The following CPS1 variants were observed in gnomAD, a reference collection of about 807,000 sequenced individuals.
CPS1 encodes carbamoyl-phosphate synthase 1.
A neutral mutation model predicts 174.6 loss-of-function variants in CPS1; 109 were observed. The observed-to-expected ratio is 0.62, with a 90% confidence interval of 0.53 to 0.73. The LOEUF (loss-of-function observed/expected upper bound fraction) is 0.73, where lower values mean the gene tolerates loss of function less well. CPS1 is among the 30% of genes least tolerant of loss of function. The pLI is 0.00. For missense variants in CPS1, 1,689 were observed against 1,821.9 expected, an observed-to-expected ratio of 0.93 and a Z score of 1.33; for synonymous variants, 637 against 632.0, an observed-to-expected ratio of 1.01 and a Z score of -0.12.
intron 1 of CPS1, among the ~76,000 whole-genome samples, chr2:210,571,726 T>C (rs1455824797): frequency 6.6e-6 from 1 of 151,982 alleles, no homozygotes; most frequent in African/African-American, 2.4e-5. Context: ...ACAGAGAGAA[T>C]TATTATAGAA....
At chr2:210,543,439 C>T (rs1213787540) in intron 1 of CPS1, among the ~76,000 whole-genome samples, 2 of 151,936 alleles carry the variant, frequency 1.3e-5, no homozygotes, top group South Asian at 2.1e-4. Context: ...CAATTTCCAG[C>T]TCAAAGCCTT....
At chr2:210,638,413 A>T (rs1358474092) in intron 22 of CPS1, among the ~76,000 whole-genome samples, 2 of 151,998 alleles carry the variant, frequency 1.3e-5, no homozygotes, top group South Asian at 2.1e-4. Flanking sequence ...TTGGCCTTTA[A>T]TGGAAGGGAT....
At chr2:210,518,542 A>G (rs1038192690) in intron 1 of CPS1, among the ~76,000 whole-genome samples, 1 of 151,928 alleles carries the variant, frequency 6.6e-6, no homozygotes, top group African/African-American at 2.4e-5. Context: ...TTTTTTCTAT[A>G]TGACTGGAAT....
intron 1 of CPS1, among the ~76,000 whole-genome samples, chr2:210,492,002 C>T (rs540051617): frequency 6.6e-6 from 1 of 152,274 alleles, no homozygotes; most frequent in African/African-American, 2.4e-5. Flanking sequence ...AAGGGAGTTG[C>T]TAGATAACCA....
At chr2:210,553,451 T>A (rs940727790), upstream of CPS1, among the ~76,000 whole-genome samples, 19 of 152,006 alleles carry the variant, frequency 1.2e-4, no homozygotes, top group African/African-American at 1.7e-4. Context: ...TTCTATTTTT[T>A]AAAATGTATT....
intron 1 of CPS1, among the ~76,000 whole-genome samples, chr2:210,486,376 GA>G (rs35756238): frequency 8.7e-4 from 133 of 152,160 alleles, no homozygotes; most frequent in African/African-American, 3.2e-3. Context: ...TGTCTTTGAA[GA>G]GCATCTAATG....
intron 1 of CPS1, among the ~76,000 whole-genome samples, chr2:210,492,425 C>G (rs1429502058): frequency 6.6e-6 from 1 of 152,196 alleles, no homozygotes; most frequent in Non-Finnish European, 1.5e-5. Context: ...ACTACGTTTA[C>G]TATCACTGAA....
chr2:210,493,223 G>C (rs1330759448), intron 1 of CPS1, among the ~76,000 whole-genome samples: 1 of 152,124 alleles, frequency 6.6e-6, no homozygotes, highest in Non-Finnish European at 1.5e-5. Context: ...TGGGTTCTCA[G>C]CTCATCTTTT....
intron 25 of CPS1, among the ~76,000 whole-genome samples, chr2:210,643,049 T>C (rs1233404361): frequency 1.3e-5 from 2 of 152,350 alleles, no homozygotes; most frequent in East Asian, 3.9e-4. Flanking sequence ...AGCCTCTTTC[T>C]AGTTTGTGTG....
chr2:210,579,814 GT>G, intron 5 of CPS1, 44 bp downstream of exon 5: 1 of 1,391,662 alleles, frequency 7.2e-7, no homozygotes. Context: ...CTTCGGGTGT[GT>G]GTGTGTGTGT....
chr2:210,539,201 A>G (rs1696337477), intron 1 of CPS1, among the ~76,000 whole-genome samples: 1 of 152,136 alleles, frequency 6.6e-6, no homozygotes, highest in African/African-American at 2.4e-5. Context: ...GAAGGGTGAC[A>G]TGGGGAACAC....
At chr2:210,654,877 A>C (rs1700659496) in intron 29 of CPS1, among the ~76,000 whole-genome samples, 1 of 152,110 alleles carries the variant, frequency 6.6e-6, no homozygotes, top group Non-Finnish European at 1.5e-5. Context: ...CTTGTTAATA[A>C]AAATGGTAAT....
chr2:210,656,562 C>G lies in CPS1; in HGVS notation c.3596C>G (p.Ala1199Gly), dbSNP rs751372173. The G allele has an allele frequency of 1.2e-6, 2 of 1,607,274 alleles. No homozygotes were observed. The highest frequency in any genetic ancestry group is 1.7e-6 in the Non-Finnish European group (2 of 1,179,072). Residue 1199 changes from alanine to glycine, a missense_variant, in exon 30 of 38, where the codon GCA becomes GGA. Physicochemically the swap from Ala to Gly is moderately conservative, Grantham distance 60. Coordinates refer to ENST00000233072, the MANE Select transcript of CPS1 (RefSeq NM_001875.5). ...SHAISEHVED[A>G]GVHSGDATLM... ...GCCATCTCTGAACATGTTGAAGATG[C>G]AGGTGTCCACTCGGGAGATGCCACT...
chr2:210,674,776 A>G, intron 34 of CPS1, 126 bp from the exon 35 acceptor site: 1 of 815,340 alleles, frequency 1.2e-6, no homozygotes. Flanking sequence ...AAAACTTGTC[A>G]TTTTTTAATA....
At position 210,570,833 on chromosome 2, in the gene CPS1, TCA is replaced by T. The variant is rs542488861; in HGVS notation, c.127-2464_127-2463del. ...GAGAGGTTTCACCTAATAAAACACA[TCA>T]GAGTTACCTGGGGAGTTTTCCTAAT... On this transcript the variant is annotated intron_variant, in intron 1 of 37. Transcript: ENST00000233072. Among the ~76,000 whole-genome samples the T allele has an allele frequency of 1.4e-4, 22 of 152,020 alleles. No individual in the cohort carries two copies. The South Asian group carries it at 4.6e-3, about 31-fold the overall frequency.
intron 19 of CPS1, among the ~76,000 whole-genome samples, chr2:210,609,983 A>G (rs1699053735): frequency 6.6e-6 from 1 of 152,012 alleles, no homozygotes; most frequent in Non-Finnish European, 1.5e-5. Context: ...GTAGTAACAA[A>G]TCAACAAATT....
intron 1 of CPS1, among the ~76,000 whole-genome samples, chr2:210,572,623 C>A (rs1488925324): frequency 6.6e-6 from 1 of 151,870 alleles, no homozygotes; most frequent in Non-Finnish European, 1.5e-5. Flanking sequence ...TTCCGAATGC[C>A]ATAGTATAGA....
At position 210,495,701 on chromosome 2, in the gene CPS1, T is replaced by G. The variant is rs1694976042; in HGVS notation, c.3+17935T>G. Among the ~76,000 whole-genome samples, 4 of 152,222 alleles carry G rather than the reference T, an allele frequency of 2.6e-5. 1 individual carries two copies. The highest frequency in any genetic ancestry group is 9.7e-5 in the African/African-American group (4 of 41,450). ...TAATCTACTCTGGAGAATATTCTTT[T>G]GTACACCTGTTTCCAAATTAGGTGT... is the stretch of plus-strand genomic sequence containing the variant. On this transcript the variant is annotated intron_variant, in intron 1 of 38. Coordinates refer to the CPS1 transcript ENST00000430249.
At chr2:210,564,577 C>T (rs866061224) in intron 1 of CPS1, among the ~76,000 whole-genome samples, 3 of 151,956 alleles carry the variant, frequency 2.0e-5, no homozygotes, top group East Asian at 1.9e-4. Context: ...GGGGTTTCAC[C>T]GTGTTAGCCA....
Sources: allele counts gnomAD v4.1 joint callset (sites outside exome capture counted in the v4.1 genomes callset), GRCh38; gene constraint gnomAD v4.1.1; transcripts MANE v1.5; gene names NCBI Gene and HGNC (gene_info 2026-07-23, HGNC 2026-07-21).